Variants in XPR1 observed in about 807,000 individuals in gnomAD.
XPR1 encodes xenotropic and polytropic retrovirus receptor 1, also known as solute carrier family 53 member 1.
XPR1 carries 28 observed loss-of-function variants against 87.5 expected under a neutral mutation model. That is an observed-to-expected ratio of 0.32 (90% confidence interval 0.24 to 0.44). XPR1 has a LOEUF of 0.44. Ranked by LOEUF, XPR1 falls within the 20% of genes least tolerant of loss-of-function variation. The probability of loss-of-function intolerance (pLI) is 1.00; values close to 1 mark genes in which losing one functional copy is unlikely to be tolerated. For missense variants in XPR1, 559 were observed against 862.3 expected (o/e 0.65, Z 4.41); for synonymous variants, 300 against 306.1 (o/e 0.98, Z 0.21).
intron 2 of XPR1, among the ~76,000 whole-genome samples, chr1:180,685,197 C>G (rs140722118): frequency 0.031 from 4,783 of 151,960 alleles, 173 homozygotes; most frequent in African/African-American, 0.085. Flanking sequence ...TAGCATGAAG[C>G]GTTGTTGAAT....
At chr1:180,822,415 G>A (rs1650670438) in intron 7 of XPR1, among the ~76,000 whole-genome samples, 1 of 152,080 alleles carries the variant, frequency 6.6e-6, no homozygotes, top group South Asian at 2.1e-4. Context: ...AGTCTTCCCT[G>A]ACCGCCCTAC....
chr1:180,635,903 T>G (rs1222893236), intron 1 of XPR1, among the ~76,000 whole-genome samples: 1 of 152,216 alleles, frequency 6.6e-6, no homozygotes, highest in East Asian at 1.9e-4. Context: ...TTTATTATGT[T>G]TGGTATATGA....
At chr1:180,714,277 A>C (rs1657904934) in intron 2 of XPR1, among the ~76,000 whole-genome samples, 1 of 141,308 alleles carries the variant, frequency 7.1e-6, no homozygotes, top group Non-Finnish European at 1.5e-5. Context: ...CATCATTATC[A>C]GTCTGGTTAG....
intron 9 of XPR1, 43 bp downstream of exon 9, chr1:180,825,387 G>A (rs1353391074): frequency 6.4e-7 from 1 of 1,563,624 alleles, no homozygotes; most frequent in Non-Finnish European, 8.7e-7. Flanking sequence ...GTGGCATATT[G>A]GTTATTGACT....
intron 7 of XPR1, among the ~76,000 whole-genome samples, chr1:180,816,289 C>T (rs1650408680): frequency 6.6e-6 from 1 of 152,194 alleles, no homozygotes; most frequent in Non-Finnish European, 1.5e-5. Context: ...CTCCCATGCG[C>T]AGCTCACAAT....
rs372915739 is a variant in XPR1, at chr1:180,732,354, C to T, written c.121+49943C>T. 1.9e-4 allele frequency among the ~76,000 whole-genome samples: 29 copies of T among 152,014 alleles called. No individual in the cohort carries two copies. In the East Asian group the frequency reaches 2.5e-3, roughly 13 times the overall value. ...TCATGGTTATTTTTATCTTAATATG[C>T]GTAACTCCTAGTAAGATTTTTCAGA... On this transcript the variant is annotated intron_variant, in intron 2 of 14. Transcript: ENST00000367590.
chr1:180,667,940 T>C (rs1046450055), intron 1 of XPR1, among the ~76,000 whole-genome samples: 3 of 152,124 alleles, frequency 2.0e-5, no homozygotes, highest in Non-Finnish European at 2.9e-5. Context: ...GTCCTTACTT[T>C]CATTTCTGAT....
At chr1:180,686,801 T>G (rs1043376414) in intron 2 of XPR1, among the ~76,000 whole-genome samples, 4 of 152,196 alleles carry the variant, frequency 2.6e-5, no homozygotes, top group Admixed American at 6.5e-5. Context: ...TTAATAAAAC[T>G]GTAGATTTAT....
chr1:180,759,934 T>A (rs1383368466), intron 2 of XPR1, among the ~76,000 whole-genome samples: 8 of 152,198 alleles, frequency 5.3e-5, no homozygotes, highest in African/African-American at 1.7e-4. Context: ...GTGGGCTTCA[T>A]CCCTGGGATG....
In XPR1 at chr1:180,737,386, CCTT is replaced by C. The variant is rs759166883; in HGVS notation, c.122-50363_122-50361del. 5.3e-4 allele frequency among the ~76,000 whole-genome samples: 80 copies of C among 152,048 alleles called. 1 individual carries two copies. The highest frequency in any genetic ancestry group is 8.8e-4 in the Non-Finnish European group (60 of 67,996). On this transcript the variant is annotated intron_variant, in intron 2 of 14. Transcript: ENST00000367590. Reference sequence around the variant, plus strand: ...TTCTAAAACGTGATATACTATTTTCCCTTCTTTATTTTATTTTCCTCTTTGCTG... The same window carrying C: ...TTCTAAAACGTGATATACTATTTTCCCTTTATTTTATTTTCCTCTTTGCTG...
chr1:180,794,353 AGT>A (rs1649496179), intron 3 of XPR1, among the ~76,000 whole-genome samples: 1 of 152,174 alleles, frequency 6.6e-6, no homozygotes, highest in South Asian at 2.1e-4. Context: ...ACATGCTGTC[AGT>A]CGTTGACCAG....
chr1:180,845,667 C>T (rs1329222334), intron 11 of XPR1, among the ~76,000 whole-genome samples: 7 of 152,168 alleles, frequency 4.6e-5, no homozygotes, highest in South Asian at 2.1e-4. Flanking sequence ...ACTACAGGGT[C>T]GTGCTACCAT....
chr1:180,832,432 G>A (rs1210152539), intron 9 of XPR1, among the ~76,000 whole-genome samples: 1 of 152,138 alleles, frequency 6.6e-6, no homozygotes, highest in East Asian at 1.9e-4. Context: ...TGTTGCCATT[G>A]CTTTTGGTGT....
intron 2 of XPR1, among the ~76,000 whole-genome samples, chr1:180,772,116 A>G (rs968688053): frequency 6.6e-6 from 1 of 152,162 alleles, no homozygotes; most frequent in African/African-American, 2.4e-5. Flanking sequence ...ATTTATTCAT[A>G]TCAACATGGG....
chr1:180,707,236 C>T (rs1422414903), intron 2 of XPR1, among the ~76,000 whole-genome samples: 1 of 152,124 alleles, frequency 6.6e-6, no homozygotes, highest in Non-Finnish European at 1.5e-5. Context: ...AGGTTTGTTA[C>T]ATAGGTAAGT....
chr1:180,821,247 CA>C (rs1650617250), intron 7 of XPR1, among the ~76,000 whole-genome samples: 1 of 152,110 alleles, frequency 6.6e-6, no homozygotes, highest in South Asian at 2.1e-4. Context: ...GACAAGGGAC[CA>C]ACTTCACTTT....
At chr1:180,816,844 A>G (rs1571865011) in intron 7 of XPR1, among the ~76,000 whole-genome samples, 1 of 152,348 alleles carries the variant, frequency 6.6e-6, no homozygotes, top group East Asian at 1.9e-4. Context: ...ATTATTTTAG[A>G]GTGAACTCCT....
chr1:180,770,515 T>TA (rs1476713166), intron 2 of XPR1, among the ~76,000 whole-genome samples: 1 of 152,154 alleles, frequency 6.6e-6, no homozygotes, highest in Non-Finnish European at 1.5e-5. Context: ...TATTGGGGAT[T>TA]AAGTCTTCAA....
intron 1 of XPR1, among the ~76,000 whole-genome samples, chr1:180,641,191 A>T (rs1166405199): frequency 6.6e-6 from 1 of 152,232 alleles, no homozygotes; most frequent in Non-Finnish European, 1.5e-5. Context: ...CAGGGATAAT[A>T]ATAGTACTTA....
Sources: gnomAD v4.1 joint callset for allele counts (sites outside exome capture counted in the v4.1 genomes callset) on GRCh38, gnomAD v4.1.1 for gene constraint, MANE v1.5 for transcripts, NCBI Gene and HGNC (gene_info 2026-07-23, HGNC 2026-07-21) for gene names.